Variants in MCPH1 observed in about 807,000 individuals in gnomAD.
MCPH1 encodes the protein microcephalin.
Under a neutral mutation model 84.5 loss-of-function variants are expected in MCPH1, and 104 were observed. The ratio of observed to expected loss-of-function variants is 1.23; its 90% CI spans 1.05 to 1.45. The LOEUF (loss-of-function observed/expected upper bound fraction) is 1.45, where lower values mean the gene tolerates loss of function less well. MCPH1 is among the 40% of genes most tolerant of loss of function. MCPH1 has a pLI of 0.00. For synonymous variants in MCPH1, 514 were observed against 366.8 expected (o/e 1.40, Z -4.58); for missense variants, 1,498 against 1,005.7 (o/e 1.49, Z -6.62).
At position 6,532,583 on chromosome 8, in the gene MCPH1, A is replaced by AG. The variant is rs890918464; in HGVS notation, c.2214+32654_2214+32655insG. 15 of 889,794 alleles carry AG rather than the reference A, an allele frequency of 1.7e-5. No individual in the cohort carries two copies. The African/African-American group carries it at 2.6e-4, about 16-fold the overall frequency. 55.1% of individuals were successfully genotyped at this position (889,794 alleles called of 1,614,324 possible). A position where few individuals can be genotyped will look rare whatever the true frequency, so the allele number is the denominator to read the frequency against. On this transcript the variant is annotated intron_variant, in intron 12 of 13. Transcript: ENST00000344683. ...GTCTCCTCCCTATCTTTAAAAAAAA[A>AG]AAAAAAAAATCTATCAAAAGACTTG...
intron 12 of MCPH1, among the ~76,000 whole-genome samples, chr8:6,601,605 C>T (rs978834840): frequency 2.0e-5 from 3 of 148,058 alleles, no homozygotes; most frequent in Non-Finnish European, 4.4e-5. Flanking sequence ...AATACACACA[C>T]CATACACACC....
chr8:6,605,490 A>C (rs937764246), intron 12 of MCPH1, among the ~76,000 whole-genome samples: 7 of 152,232 alleles, frequency 4.6e-5, no homozygotes, highest in African/African-American at 1.7e-4. Flanking sequence ...GGAAACGAAC[A>C]ATATGTCCTT....
chr8:6,618,188 C>G (rs1260834444), intron 12 of MCPH1, among the ~76,000 whole-genome samples: 1 of 152,226 alleles, frequency 6.6e-6, no homozygotes, highest in Non-Finnish European at 1.5e-5. Flanking sequence ...GGCTTTTCGC[C>G]TTGATCTCCA....
chr8:6,590,328 C>T (rs745659487), intron 12 of MCPH1, among the ~76,000 whole-genome samples: 1 of 152,100 alleles, frequency 6.6e-6, no homozygotes, highest in Non-Finnish European at 1.5e-5. Flanking sequence ...GTTGGCCCAT[C>T]ATCACCTCAT....
chr8:6,425,836 G>A (rs1252157386), intron 3 of MCPH1, among the ~76,000 whole-genome samples: 2 of 152,210 alleles, frequency 1.3e-5, no homozygotes, highest in Non-Finnish European at 2.9e-5. Context: ...TGAGCTGGGT[G>A]ACCTTTGTCC....
intron 12 of MCPH1, among the ~76,000 whole-genome samples, chr8:6,510,041 T>C (rs1328701611): frequency 4.6e-5 from 7 of 152,218 alleles, no homozygotes; most frequent in African/African-American, 1.4e-4. Context: ...AGTCGAAAAA[T>C]CTTAAGTTGA....
intron 2 of MCPH1, among the ~76,000 whole-genome samples, chr8:6,410,033 G>A (rs1213399910): frequency 2.6e-5 from 4 of 151,896 alleles, no homozygotes; most frequent in Admixed American, 6.6e-5. Flanking sequence ...GCAGTGACGC[G>A]ATCTCAGCTC....
At chr8:6,457,887 T>C (rs1297674759) in intron 9 of MCPH1, among the ~76,000 whole-genome samples, 2 of 152,142 alleles carry the variant, frequency 1.3e-5, no homozygotes, top group Non-Finnish European at 2.9e-5. Context: ...AGGGTAGTGC[T>C]TCCTGACTGG....
intron 12 of MCPH1, among the ~76,000 whole-genome samples, chr8:6,595,579 C>A (rs978304533): frequency 1.3e-5 from 2 of 152,150 alleles, no homozygotes; most frequent in Non-Finnish European, 2.9e-5. Context: ...AGAAGAGATG[C>A]GGGAGCCCTG....
chr8:6,505,375 TATATTCTTTCTATATGTATATAGA>T, intron 12 of MCPH1, among the ~76,000 whole-genome samples: 1 of 60,900 alleles, frequency 1.6e-5, no homozygotes, highest in Non-Finnish European at 3.9e-5. Flanking sequence ...ATAGAATATA[TATATTCTTTCTATATGTATATAGA>T]ATATATATAT....
At chr8:6,589,183 A>T (rs1828245891) in intron 12 of MCPH1, among the ~76,000 whole-genome samples, 1 of 152,228 alleles carries the variant, frequency 6.6e-6, no homozygotes, top group Non-Finnish European at 1.5e-5. Context: ...AAATGTAGTG[A>T]CATAGAAGTG....
intron 6 of MCPH1, 54 bp downstream of exon 6, chr8:6,439,150 G>T: frequency 6.5e-7 from 1 of 1,545,166 alleles, no homozygotes; most frequent in South Asian, 1.1e-5. Context: ...TTCAATTATG[G>T]TGGAAAGCTT....
At chr8:6,419,329 C>T (rs1052592731) in intron 3 of MCPH1, among the ~76,000 whole-genome samples, 6 of 152,248 alleles carry the variant, frequency 3.9e-5, no homozygotes, top group African/African-American at 1.4e-4. Context: ...AATCAGTCCT[C>T]TCACCCCAGC....
rs76754765 is a variant in MCPH1, at chr8:6,459,208, C to G, written c.1935+3956C>G. 6.2e-3 allele frequency among the ~76,000 whole-genome samples: 943 copies of G among 152,186 alleles called. 15 individuals carry two copies. Among genetic ancestry groups the G allele is most frequent in the African/African-American group, 0.022 (906 of 41,512 alleles). ...TTTCCCATTAAATAGGTTTTACCTG[C>G]TTATTTTGTTCCTTGTTAGATTTCA... On this transcript the variant is annotated intron_variant, in intron 9 of 13. Transcript: ENST00000344683.
intron 1 of MCPH1, 105 bp downstream of exon 1, chr8:6,406,794 C>T (rs1797757608): frequency 7.7e-7 from 1 of 1,299,972 alleles, no homozygotes; most frequent in Non-Finnish European, 1.1e-6. Flanking sequence ...CCGCTCGCCC[C>T]TCCCTCGCTG....
intron 13 of MCPH1, chr8:6,642,562 C>G: frequency 3.7e-6 from 1 of 270,284 alleles, no homozygotes; most frequent in Non-Finnish European, 7.3e-6. Flanking sequence ...CACGGCCTAC[C>G]TCTCACCACT....
intron 12 of MCPH1, among the ~76,000 whole-genome samples, chr8:6,528,631 GCT>G (rs1818841419): frequency 6.6e-6 from 1 of 152,384 alleles, no homozygotes; most frequent in African/African-American, 2.4e-5. Context: ...GAGCAGTGCG[GCT>G]CTCCCGCGGA....
At chr8:6,490,196 G>T (rs1300121566) in intron 11 of MCPH1, among the ~76,000 whole-genome samples, 2 of 152,200 alleles carry the variant, frequency 1.3e-5, no homozygotes, top group Admixed American at 6.5e-5. Flanking sequence ...TGTTCTGCCA[G>T]ACATCTGAAC....
intron 13 of MCPH1, among the ~76,000 whole-genome samples, chr8:6,624,023 G>C (rs1468211032): frequency 2.6e-5 from 4 of 152,220 alleles, no homozygotes; most frequent in African/African-American, 2.4e-5. Context: ...CGTGTTTCCA[G>C]GTTGGGTGGC....
Sources: allele counts gnomAD v4.1 joint callset (sites outside exome capture counted in the v4.1 genomes callset), GRCh38; gene constraint gnomAD v4.1.1; transcripts MANE v1.5; gene names NCBI Gene and HGNC (gene_info 2026-07-23, HGNC 2026-07-21).